Variants in SDK2 observed in about 807,000 individuals in gnomAD.
SDK2 encodes the protein sidekick cell adhesion molecule 2, also known as protein sidekick-2.
In SDK2, 105 loss-of-function variants were observed where a neutral mutation model predicts 253.9. That is an observed-to-expected ratio of 0.41 (90% CI 0.35 to 0.49). SDK2 has a LOEUF of 0.49. SDK2 is among the 20% of genes least tolerant of loss of function. The probability of loss-of-function intolerance (pLI) is 0.06; values close to 1 mark genes in which losing one functional copy is unlikely to be tolerated. For missense variants in SDK2, 2,608 were observed against 3,003.0 expected (o/e 0.87, Z 3.07); for synonymous variants, 1,249 against 1,234.9 (o/e 1.01, Z -0.24).
chr17:73,395,142 G>C lies in SDK2; in HGVS notation c.3592+13C>G, dbSNP rs374102511. 3.8e-6 allele frequency: 6 copies of C among 1,568,570 alleles called. No homozygotes were observed. Among genetic ancestry groups the C allele is most frequent in the Admixed American group, 3.7e-5 (2 of 53,948 alleles). ...GACAGGCAGCAGGGTGGCTGGGTGT[G>C]AGGGGTTGGTACCTGACTCCCGGGT... On this transcript the variant is annotated intron_variant, in intron 25 of 44. Transcript: ENST00000392650. The surrounding 1 kb of genome is among the most constrained non-coding windows in gnomAD (Gnocchi z 4.3).
At chr17:73,450,625 T>C (rs1006842179) in intron 4 of SDK2, among the ~76,000 whole-genome samples, 1 of 152,192 alleles carries the variant, frequency 6.6e-6, no homozygotes, top group Admixed American at 6.5e-5. Flanking sequence ...CCACCTCCAA[T>C]TTCATCTCTT....
chr17:73,374,870 C>T (rs1466992638), intron 36 of SDK2, among the ~76,000 whole-genome samples: 1 of 152,162 alleles, frequency 6.6e-6, no homozygotes, highest in Admixed American at 6.5e-5. Flanking sequence ...ATGGCCCACC[C>T]GGATAGTTCA....
chr17:73,388,156 T>C, intron 29 of SDK2, 119 bp from the exon 30 acceptor site: 1 of 706,234 alleles, frequency 1.4e-6, no homozygotes, highest in Middle Eastern at 3.9e-4. Flanking sequence ...CCCCTTCCCA[T>C]CCCAATTCCA....
rs2064019501 is a variant in SDK2 at position 73,515,595 on chromosome 17, A to G, written c.65-7998T>C. Among the ~76,000 whole-genome samples the G allele has an allele frequency of 3.9e-5, 6 of 152,236 alleles. No individual in the cohort carries two copies. The South Asian group carries it at 1.2e-3, about 32-fold the overall frequency. On this transcript the variant is annotated intron_variant, in intron 1 of 44. Coordinates refer to ENST00000392650, the MANE Select transcript of SDK2 (RefSeq NM_001144952.2). The stretch of plus-strand genomic sequence containing the variant: ...GAGAGAAGCCTGGAAATGGAGGTCA[A>G]ATAGCACAGAAGATGAACGCATGCA...
chr17:73,499,301 C>T (rs1336478787), intron 2 of SDK2, among the ~76,000 whole-genome samples: 1 of 152,242 alleles, frequency 6.6e-6, no homozygotes, highest in Non-Finnish European at 1.5e-5. Context: ...ATGTGCAGGG[C>T]TTCTCTGCCT....
chr17:73,379,679 G>A lies in SDK2; in HGVS notation c.4763-130C>T, dbSNP rs1406187588. ...CCGCCATTCTAGCCCCCTCTGTGAA[G>A]GTGCATGAAGGAGGAGGTGAGAGGC... On this transcript the variant is annotated intron_variant, in intron 34 of 44. Transcript: ENST00000392650. The surrounding 1 kb of genome is among the most constrained non-coding windows in gnomAD (Gnocchi z 4.5). 1.6e-5 allele frequency: 10 copies of A among 628,716 alleles called. No homozygotes were observed. The highest frequency in any genetic ancestry group is 2.8e-5 in the Non-Finnish European group (10 of 355,608). The allele number at this position is 628,716 out of a possible 1,614,324, so 38.9% of individuals were successfully genotyped here.
intron 1 of SDK2, among the ~76,000 whole-genome samples, chr17:73,641,675 T>C (rs1297786387): frequency 6.8e-6 from 1 of 146,412 alleles, no homozygotes; most frequent in African/African-American, 2.6e-5. Context: ...GGAGGAACAA[T>C]TGTTTCGTCC....
In SDK2 at chr17:73,502,079, GCACATACACACACACACACA is replaced by G. The variant is rs1437754494; in HGVS notation, c.224+5339_224+5358del. Among the ~76,000 whole-genome samples the G allele has an allele frequency of 2.4e-3, 354 of 147,518 alleles. 2 individuals carry two copies. The highest frequency in any genetic ancestry group is 6.6e-3 in the African/African-American group (255 of 38,850). On this transcript the variant is annotated intron_variant, in intron 2 of 44. Coordinates refer to ENST00000392650, the MANE Select transcript of SDK2 (RefSeq NM_001144952.2). ...GTGCACAGGCTTGCCTTTGTGTAGT[GCACATACACACACACACACA>G]CACACACACACACACACACACCAGA...
intron 1 of SDK2, among the ~76,000 whole-genome samples, chr17:73,523,721 C>T (rs748874): frequency 1.3e-5 from 2 of 152,062 alleles, no homozygotes; most frequent in Non-Finnish European, 2.9e-5. Context: ...TTTGCAGCCA[C>T]CCAGTTGAGG....
At chr17:73,491,376 T>C (rs1178957713) in intron 2 of SDK2, among the ~76,000 whole-genome samples, 1 of 145,862 alleles carries the variant, frequency 6.9e-6, no homozygotes, top group Admixed American at 6.8e-5. Context: ...TTTTTTGGCT[T>C]TTTTTTTTTT....
At chr17:73,493,995 G>A (rs2063824787) in intron 2 of SDK2, among the ~76,000 whole-genome samples, 1 of 152,252 alleles carries the variant, frequency 6.6e-6, no homozygotes, top group Admixed American at 6.5e-5. Context: ...CTCATCAGAA[G>A]AGAGAGGTGA....
intron 1 of SDK2, chr17:73,521,453 G>A (rs2145786523): frequency 6.6e-6 from 1 of 152,210 alleles, no homozygotes; most frequent in Non-Finnish European, 1.5e-5. Context: ...CTCCCTGCCA[G>A]CCCCATGCAG....
intron 1 of SDK2, among the ~76,000 whole-genome samples, chr17:73,604,028 G>C (rs1456121963): frequency 1.3e-5 from 2 of 152,240 alleles, no homozygotes; most frequent in Non-Finnish European, 2.9e-5. Context: ...TCAGAACCCA[G>C]GGCCAAATGG....
intron 18 of SDK2, among the ~76,000 whole-genome samples, chr17:73,408,249 G>C (rs1275776750): frequency 2.1e-5 from 3 of 146,118 alleles, no homozygotes; most frequent in Non-Finnish European, 4.5e-5. Context: ...ATGGAGTCTC[G>C]CTCTGTCACC....
rs762652962 is a variant in SDK2, at chr17:73,423,981, G to C, written c.1695C>G (p.Gly565=). The change falls in exon 13 of 45, where the codon GGC becomes GGG. Residue 565 remains glycine, a synonymous_variant. Transcript: ENST00000392650. ...CTGAGATCACCCGGCAGGTGTACGT[G>C]CCGATGTCTCCCGACCACGTCTGTG... ...HISQTWSGDI[G]TYTCRVISAG... is the part of the protein sequence containing the mutation. 1 of 1,609,050 alleles carries C rather than the reference G, an allele frequency of 6.2e-7. No homozygotes were observed. The highest frequency in any genetic ancestry group is 8.5e-7 in the Non-Finnish European group (1 of 1,178,092).
At chr17:73,545,099 G>GCGCACACACACA (rs147498499) in intron 1 of SDK2, among the ~76,000 whole-genome samples, 30 of 145,716 alleles carry the variant, frequency 2.1e-4, no homozygotes, top group African/African-American at 4.6e-4. Flanking sequence ...GCACGTGCAC[G>GCGCACACACACA]CACACACACA....
chr17:73,463,150 G>A (rs541610102), intron 3 of SDK2, among the ~76,000 whole-genome samples: 15 of 152,178 alleles, frequency 9.9e-5, no homozygotes, highest in Non-Finnish European at 2.1e-4. Flanking sequence ...TTAAGGGCTT[G>A]CCACACTGAC....
intron 1 of SDK2, among the ~76,000 whole-genome samples, chr17:73,601,817 C>T (rs1018370786): frequency 6.6e-6 from 1 of 151,936 alleles, no homozygotes; most frequent in African/African-American, 2.4e-5. Context: ...CATTTTGGCT[C>T]GTTGCAGCCT....
At position 73,534,770 on chromosome 17, in the gene SDK2, A is replaced by AG. The variant is rs1195784549; in HGVS notation, c.65-27174dup. ...GCCCTGACCTTTCTTCCTCTCATCT[A>AG]GGGGAAAGCGGCTTCTATTACCTAA... is the stretch of plus-strand genomic sequence containing the variant. On this transcript the variant is annotated intron_variant, in intron 1 of 44. Coordinates refer to ENST00000392650, the MANE Select transcript of SDK2 (RefSeq NM_001144952.2). The surrounding 1 kb of genome is among the most constrained non-coding windows in gnomAD (Gnocchi z 4.9). Among the ~76,000 whole-genome samples, 3 of 152,226 alleles carry AG rather than the reference A, an allele frequency of 2.0e-5. No homozygotes were observed. Among genetic ancestry groups the AG allele is most frequent in the Non-Finnish European group, 4.4e-5 (3 of 68,014 alleles).
Sources: gnomAD v4.1 joint callset for allele counts (sites outside exome capture counted in the v4.1 genomes callset) on GRCh38, gnomAD v4.1.1 for gene constraint, Gnocchi (gnomAD v3.1) non-coding constraint, MANE v1.5 for transcripts, NCBI Gene and HGNC (gene_info 2026-07-23, HGNC 2026-07-21) for gene names.